The following IMPA2 variants were observed in gnomAD, a reference collection of about 807,000 sequenced individuals.
The protein encoded by IMPA2 is inositol monophosphatase 2.
Under a neutral mutation model 35.1 loss-of-function variants are expected in IMPA2, and 32 were observed. The observed-to-expected ratio is 0.91, with a 90% CI of 0.69 to 1.23. IMPA2 has a LOEUF of 1.23. IMPA2 is among the 50% of genes most tolerant of loss of function. The pLI, the probability that IMPA2 is intolerant of heterozygous loss-of-function variation, is 0.00. For synonymous variants in IMPA2, 135 were observed against 160.6 expected, an observed-to-expected ratio of 0.84 and a Z score of 1.20; for missense variants, 334 against 387.6, an observed-to-expected ratio of 0.86 and a Z score of 1.16.
At chr18:12,029,249 T>C (rs1273138086) in intron 7 of IMPA2, among the ~76,000 whole-genome samples, 1 of 146,366 alleles carries the variant, frequency 6.8e-6, no homozygotes, top group African/African-American at 2.6e-5. Flanking sequence ...TGAGTAGCTG[T>C]GATTACAGGT....
At chr18:12,003,366 C>T (rs979566950) in intron 2 of IMPA2, among the ~76,000 whole-genome samples, 34 of 152,186 alleles carry the variant, frequency 2.2e-4, no homozygotes, top group African/African-American at 8.2e-4. Flanking sequence ...CAAACCAGGG[C>T]TGGGCACAGA....
In IMPA2 at chr18:12,028,134, G is replaced by A. The variant is rs769999090; in HGVS notation, c.582G>A (p.Leu194=). 1.2e-6 allele frequency: 2 copies of A among 1,610,538 alleles called. No homozygotes were observed. The highest frequency in any genetic ancestry group is 1.7e-6 in the Non-Finnish European group (2 of 1,176,788). Residue 194 remains leucine (L), a synonymous_variant, in exon 6 of 8, where the codon CTG becomes CTA. Coordinates refer to ENST00000269159, the MANE Select transcript of IMPA2 (RefSeq NM_014214.3). ...TCCTGAGTAACATGGAGCGGCTGCT[G>A]CATGCCAAGGCGCATGGGTAGGAGG... ...KLFLSNMERL[L]HAKAHGVRVI...
chr18:12,028,059 G>A lies in IMPA2; in HGVS notation c.507G>A (p.Leu169=), dbSNP rs544453661. Residue 169 remains leucine, a synonymous_variant, in exon 6 of 8, where the codon TTG becomes TTA. Coordinates refer to ENST00000269159, the MANE Select transcript of IMPA2 (RefSeq NM_014214.3). ...VSGETDLSKA[L]VLTEIGPKRD... ...TTATTGCAGATCTCTCAAAGGCCTT[G>A]GTTCTGACAGAAATTGGCCCCAAAC... 1.3e-5 allele frequency: 21 copies of A among 1,613,376 alleles called. No homozygotes were observed. In the African/African-American group the frequency reaches 2.3e-4, roughly 17 times the overall value.
intron 5 of IMPA2, among the ~76,000 whole-genome samples, chr18:12,024,593 TC>T (rs1396405360): frequency 1.3e-5 from 2 of 152,178 alleles, no homozygotes; most frequent in Non-Finnish European, 2.9e-5. Flanking sequence ...CACTTTCTTG[TC>T]CCCCATGGCC....
intron 4 of IMPA2, among the ~76,000 whole-genome samples, chr18:12,013,850 C>A (rs1485163591): frequency 6.6e-6 from 1 of 152,208 alleles, no homozygotes; most frequent in Non-Finnish European, 1.5e-5. Context: ...TTTACAGATG[C>A]ATTCTCCATT....
At position 11,991,248 on chromosome 18, in the gene IMPA2, G is replaced by T. The variant is rs1208925061; in HGVS notation, c.97-7806G>T. ...ACGGGTGGCTGCTGGCATTGGTATG[G>T]AAGGTGCCAGTGCCTTGTCAGGGCG... On this transcript the variant is annotated intron_variant, in intron 1 of 7. Coordinates refer to ENST00000269159, the MANE Select transcript of IMPA2 (RefSeq NM_014214.3). The surrounding 1 kb of genome is among the most constrained non-coding windows in gnomAD (Gnocchi z 4.1). 6.6e-6 allele frequency among the ~76,000 whole-genome samples: 1 copy of T among 152,190 alleles called. No individual in the cohort carries two copies. The highest frequency in any genetic ancestry group is 1.9e-4 in the East Asian group (1 of 5,174).
intron 4 of IMPA2, among the ~76,000 whole-genome samples, chr18:12,012,807 G>C (rs1309742866): frequency 6.6e-6 from 1 of 152,104 alleles, no homozygotes; most frequent in African/African-American, 2.4e-5. Context: ...ATTTAAATAG[G>C]GCCGAGGGCT....
intron 1 of IMPA2, among the ~76,000 whole-genome samples, chr18:11,983,026 G>T (rs868459885): frequency 4.6e-5 from 7 of 152,110 alleles, no homozygotes; most frequent in African/African-American, 1.4e-4. Flanking sequence ...CTCTAATCCT[G>T]TTTAAAAATT....
intron 2 of IMPA2, among the ~76,000 whole-genome samples, chr18:12,006,005 C>T (rs1027610510): frequency 2.0e-5 from 3 of 152,172 alleles, no homozygotes; most frequent in African/African-American, 7.2e-5. Flanking sequence ...TTTAAGCTTT[C>T]GTAGTTGCTC....
intron 7 of IMPA2, among the ~76,000 whole-genome samples, chr18:12,029,703 G>A (rs780749599): frequency 1.1e-4 from 16 of 152,296 alleles, no homozygotes; most frequent in East Asian, 1.9e-4. Context: ...TTACAGGCCT[G>A]AGCCACCATG....
chr18:12,014,608 T>G (rs1907527390), intron 5 of IMPA2, among the ~76,000 whole-genome samples: 1 of 152,018 alleles, frequency 6.6e-6, no homozygotes. Flanking sequence ...CTCACATCCC[T>G]CATCTTTCAG....
At chr18:12,008,936 C>T (rs1015819982) in intron 2 of IMPA2, among the ~76,000 whole-genome samples, 3 of 152,122 alleles carry the variant, frequency 2.0e-5, no homozygotes, top group African/African-American at 7.2e-5. Context: ...CAGGAGCAGG[C>T]CGCCCATGTC....
chr18:12,013,732 C>T (rs1598699408), intron 4 of IMPA2, among the ~76,000 whole-genome samples: 1 of 152,200 alleles, frequency 6.6e-6, no homozygotes, highest in South Asian at 2.1e-4. Flanking sequence ...TGATGTGGGG[C>T]AGTCGGGCCA....
At chr18:12,017,633 G>A in intron 5 of IMPA2, 1 of 420,226 alleles carries the variant, frequency 2.4e-6, no homozygotes, top group Non-Finnish European at 4.7e-6. Context: ...CTGTCACCCA[G>A]GCTGGAGTGC....
At chr18:11,987,535 T>G (rs1487134290) in intron 1 of IMPA2, among the ~76,000 whole-genome samples, 1 of 152,132 alleles carries the variant, frequency 6.6e-6, no homozygotes, top group East Asian at 1.9e-4. Context: ...TTCACCATAT[T>G]GGCCAGGCTG....
chr18:11,991,799 A>G lies in IMPA2; in HGVS notation c.97-7255A>G, dbSNP rs1445244941. ...CTGCCCACAGGAAGGAGAGGGATCT[A>G]CTTTCCTGATTAAGATGCTGATGCC... On this transcript the variant is annotated intron_variant, in intron 1 of 7. Coordinates refer to ENST00000269159, the MANE Select transcript of IMPA2 (RefSeq NM_014214.3). The surrounding 1 kb of genome is among the most constrained non-coding windows in gnomAD (Gnocchi z 4.1). 2.6e-5 allele frequency among the ~76,000 whole-genome samples: 4 copies of G among 151,670 alleles called. No individual in the cohort carries two copies. The East Asian group carries it at 7.7e-4, about 29-fold the overall frequency.
Position 12,009,960 on chromosome 18 carries a change from T to C in IMPA2, c.308T>C (p.Ile103Thr). 6.2e-7 allele frequency: 1 copy of C among 1,614,072 alleles called. No individual in the cohort carries two copies. Among genetic ancestry groups the C allele is most frequent in the Non-Finnish European group, 8.5e-7 (1 of 1,180,024 alleles). The stretch of plus-strand genomic sequence containing the variant: ...AGCCCGACGTGGATCATCGACCCCA[T>C]CGACGGCACCTGCAATTTTGTGCAC... ...THSPTWIIDP[I>T]DGTCNFVHRF... Residue 103 changes from isoleucine (I) to threonine (T), a missense_variant, in exon 3 of 8, where the codon ATC (isoleucine) becomes ACC (threonine). Physicochemically the swap from Ile to Thr is moderately conservative, Grantham distance 89. Coordinates refer to ENST00000269159, the MANE Select transcript of IMPA2 (RefSeq NM_014214.3).
At chr18:12,007,055 G>A (rs1042308393) in intron 2 of IMPA2, among the ~76,000 whole-genome samples, 15 of 152,302 alleles carry the variant, frequency 9.8e-5, no homozygotes, top group Admixed American at 3.3e-4. Flanking sequence ...GCTTGAACCC[G>A]GGAGGCAGAG....
chr18:12,030,389 C>T lies in IMPA2; in HGVS notation c.798C>T (p.Thr266=). 6.2e-7 allele frequency: 1 copy of T among 1,614,222 alleles called. No homozygotes were observed. Among genetic ancestry groups the T allele is most frequent in the South Asian group, 1.1e-5 (1 of 91,088 alleles). Reference sequence around the variant, plus strand: ...CTTGCAGAGTGGTTGCGGCCAGCACCCGGGAGATGGCGATGCTCATAGCTC... The same window carrying T: ...CTTGCAGAGTGGTTGCGGCCAGCACTCGGGAGATGGCGATGCTCATAGCTC... The part of the protein sequence containing the change: ...LMACRVVAAS[T]REMAMLIAQA... Residue 266 remains threonine (T), a synonymous_variant, in exon 8 of 8, where the codon ACC becomes ACT. Transcript: ENST00000269159.
Sources: gnomAD v4.1 joint callset for allele counts (sites outside exome capture counted in the v4.1 genomes callset) on GRCh38, gnomAD v4.1.1 for gene constraint, Gnocchi (gnomAD v3.1) non-coding constraint, MANE v1.5 for transcripts, NCBI Gene and HGNC (gene_info 2026-07-23, HGNC 2026-07-21) for gene names.